The following KNL1 variants were observed in gnomAD, a reference collection of about 807,000 sequenced individuals.
KNL1 encodes kinetochore scaffold 1.
In KNL1, 66 loss-of-function variants were observed where a neutral mutation model predicts 201.3. That is an observed-to-expected ratio of 0.33 (90% CI 0.27 to 0.40). The LOEUF is 0.40. KNL1 is among the 10% of genes least tolerant of loss of function. KNL1 has a pLI of 1.00. For missense variants in KNL1, 2,815 were observed against 2,690.5 expected, an observed-to-expected ratio of 1.05 and a Z score of -1.02; for synonymous variants, 895 against 899.2, an observed-to-expected ratio of 1.00 and a Z score of 0.08.
At position 40,620,874 on chromosome 15, in the gene KNL1, G is replaced by C. The variant is rs764778798; in HGVS notation, c.610G>C (p.Asp204His). 41 of 1,595,846 alleles carry C rather than the reference G, an allele frequency of 2.6e-5. 1 individual carries two copies. Among genetic ancestry groups the C allele is most frequent in the African/African-American group, 1.8e-4 (13 of 73,400 alleles). The change falls in exon 10 of 26, where the codon GAT (aspartate) becomes CAT (histidine). Residue 204 changes from aspartate to histidine, a missense_variant. Asp to His is a moderately conservative substitution (Grantham distance 81, BLOSUM62 -1). Coordinates refer to ENST00000399668, the MANE Select transcript of KNL1 (RefSeq NM_144508.5). ...RMKKEVNFSV[D>H]QNTSSENKID... ...GAAAAAAGAAGTAAATTTTTCCGTGGATCAAAACACTTCTTCAGAAAATAA... is the reference window on the plus strand; with the variant it reads ...GAAAAAAGAAGTAAATTTTTCCGTGCATCAAAACACTTCTTCAGAAAATAA...
At chr15:40,635,011 T>C (rs1893014855) in intron 13 of KNL1, among the ~76,000 whole-genome samples, 1 of 150,880 alleles carries the variant, frequency 6.6e-6, no homozygotes, top group South Asian at 2.1e-4. Flanking sequence ...ATGTGGACCA[T>C]GGAAAATGAG....
At chr15:40,600,371 G>A (rs1332548418) in intron 1 of KNL1, among the ~76,000 whole-genome samples, 1 of 152,180 alleles carries the variant, frequency 6.6e-6, no homozygotes, top group Non-Finnish European at 1.5e-5. Context: ...CACCACGCCC[G>A]GCTATTTGGG....
At position 40,614,004 on chromosome 15, in the gene KNL1, T is replaced by G. The variant is rs544583274; in HGVS notation, c.285-1337T>G. 6.6e-5 allele frequency among the ~76,000 whole-genome samples: 10 copies of G among 151,460 alleles called. No homozygotes were observed. The East Asian group carries it at 1.2e-3, about 18-fold the overall frequency. ...TAGTAGAGACAGGGTTTCACTGTGT[T>G]AGCCAGGATGGTCTCAATTTCCTGA... On this transcript the variant is annotated intron_variant, in intron 7 of 25. Coordinates refer to ENST00000399668, the MANE Select transcript of KNL1 (RefSeq NM_144508.5).
chr15:40,650,237 TTA>T (rs1893512930), intron 17 of KNL1, 62 bp from the exon 18 acceptor site: 1 of 1,031,970 alleles, frequency 9.7e-7, no homozygotes, highest in Non-Finnish European at 1.5e-6. Context: ...CTTTTTTTCC[TTA>T]CTTTGTTTTC....
chr15:40,660,425 G>A (rs146923519), intron 25 of KNL1, among the ~76,000 whole-genome samples: 1,775 of 152,072 alleles, frequency 0.012, 9 homozygotes, highest in Middle Eastern at 0.044. Context: ...CCAGCACTCT[G>A]GGAGGCCGAG....
At chr15:40,636,089 C>T (rs373588447) in intron 13 of KNL1, among the ~76,000 whole-genome samples, 39 of 152,240 alleles carry the variant, frequency 2.6e-4, no homozygotes, top group African/African-American at 8.9e-4. Flanking sequence ...CTGCCTGCCT[C>T]GGCCTCCCAA....
At chr15:40,650,197 G>T in intron 17 of KNL1, 104 bp from the exon 18 acceptor site, 2 of 714,996 alleles carry the variant, frequency 2.8e-6, no homozygotes, top group East Asian at 2.9e-5. Flanking sequence ...ACAATCTGTC[G>T]TTTAATAAAT....
intron 5 of KNL1, 100 bp downstream of exon 5, chr15:40,609,008 A>G (rs1892069267): frequency 1.4e-6 from 1 of 735,018 alleles, no homozygotes; most frequent in African/African-American, 1.8e-5. Context: ...GTTTTGATTA[A>G]ACATTAGTTA....
At position 40,657,124 on chromosome 15, in the gene KNL1, A is replaced by C; in HGVS notation, c.6567A>C (p.Thr2189=). 5.6e-6 allele frequency: 9 copies of C among 1,608,200 alleles called. No homozygotes were observed. Among genetic ancestry groups the C allele is most frequent in the Non-Finnish European group, 7.7e-6 (9 of 1,176,130 alleles). ...AAGAAAAGGAATCCTGGAAGAAGAC[A>C]TGTACAACCCAGCATCAGTTACCCA... ...YVEEKESWKK[T]CTTQHQLPKM... The change falls in exon 23 of 26, where the codon ACA becomes ACC. Residue 2189 remains threonine, a synonymous_variant. Transcript: ENST00000399668.
At chr15:40,616,939 TTTTCATTTTA>T (rs758208748) in intron 8 of KNL1, among the ~76,000 whole-genome samples, 2 of 152,234 alleles carry the variant, frequency 1.3e-5, no homozygotes, top group Non-Finnish European at 2.9e-5. Context: ...ATGCATTTAT[TTTTCATTTTA>T]TTTCATTTTA....
intron 2 of KNL1, among the ~76,000 whole-genome samples, chr15:40,603,747 A>G (rs565054939): frequency 3.6e-4 from 55 of 152,364 alleles, no homozygotes; most frequent in Non-Finnish European, 7.1e-4. Flanking sequence ...AAGCAGCAGC[A>G]CTGGTATAGC....
Position 40,602,981 on chromosome 15 carries a change from T to A in KNL1, c.35+15T>A. On this transcript the variant is annotated intron_variant, in intron 2 of 25. Transcript: ENST00000399668. ...AATGAAGAAAAGTAAGTTCATTTAATGCAGCTAAAAATATTATATTCTATC... is the reference window on the plus strand; with the variant it reads ...AATGAAGAAAAGTAAGTTCATTTAAAGCAGCTAAAAATATTATATTCTATC... 1 of 1,557,720 alleles carries A rather than the reference T, an allele frequency of 6.4e-7. No individual in the cohort carries two copies. The highest frequency in any genetic ancestry group is 8.8e-7 in the Non-Finnish European group (1 of 1,133,862).
chr15:40,633,508 G>A (rs1892973638), intron 13 of KNL1, among the ~76,000 whole-genome samples: 1 of 151,912 alleles, frequency 6.6e-6, no homozygotes, highest in Non-Finnish European at 1.5e-5. Context: ...CAGACCATTA[G>A]GTTGCTGTCT....
chr15:40,631,083 A>G (rs1164729583), intron 13 of KNL1, among the ~76,000 whole-genome samples: 7 of 152,172 alleles, frequency 4.6e-5, no homozygotes, highest in African/African-American at 1.2e-4. Flanking sequence ...GCACCACTGC[A>G]CTCCAGCCTA....
intron 13 of KNL1, among the ~76,000 whole-genome samples, chr15:40,633,444 T>G (rs1892971958): frequency 1.3e-5 from 2 of 152,226 alleles, no homozygotes; most frequent in African/African-American, 4.8e-5. Flanking sequence ...GCCATTCCTG[T>G]TAAAGGGTAG....
chr15:40,623,782 T>C lies in KNL1; in HGVS notation c.3518T>C (p.Phe1173Ser), dbSNP rs1567009453. The change falls in exon 10 of 26, where the codon TTC becomes TCC. Residue 1173 changes from phenylalanine to serine, a missense_variant. Physicochemically the swap from Phe to Ser is radical, Grantham distance 155 (BLOSUM62 -2). This residue lies in a region of KNL1 where 2,464 missense variants were observed against 2,291.7 expected (regional missense o/e 1.08). Transcript: ENST00000399668. ...DLEVTDSHTV[F>S]IDCQATEKIL... ...GAAGTCACCGATTCCCATACTGTTT[T>C]CATTGACTGTCAAGCCACAGAGAAA... The C allele has an allele frequency of 1.9e-6, 3 of 1,613,962 alleles. No individual in the cohort carries two copies. The highest frequency in any genetic ancestry group is 1.3e-5 in the African/African-American group (1 of 75,044).
At chr15:40,661,724 A>G (rs1213003057) in intron 25 of KNL1, among the ~76,000 whole-genome samples, 2 of 152,020 alleles carry the variant, frequency 1.3e-5, no homozygotes, top group Non-Finnish European at 2.9e-5. Flanking sequence ...ACTGAATTAG[A>G]GACAAGTGTA....
At chr15:40,637,830 C>G (rs1364037659) in intron 13 of KNL1, among the ~76,000 whole-genome samples, 4 of 151,788 alleles carry the variant, frequency 2.6e-5, no homozygotes, top group Non-Finnish European at 4.4e-5. Context: ...AGGTTCCATC[C>G]CCAAGATATG....
chr15:40,657,037 C>T lies in KNL1; in HGVS notation c.6485-5C>T, dbSNP rs770502319. The T allele has an allele frequency of 5.0e-5, 73 of 1,464,674 alleles. No individual in the cohort carries two copies. Among genetic ancestry groups the T allele is most frequent in the South Asian group, 3.0e-4 (23 of 77,110 alleles). 90.7% of individuals were successfully genotyped at this position (1,464,674 alleles called of 1,614,324 possible). On this transcript the variant is annotated splice_region_variant and splice_polypyrimidine_tract_variant and intron_variant, in intron 22 of 25. Coordinates refer to ENST00000399668, the MANE Select transcript of KNL1 (RefSeq NM_144508.5). ...CTGCTTTTGCTTTTTTTTTTCCTTC[C>T]CCAGAGGATCAAGCTCCTCCTTCCT...
Sources: gnomAD v4.1 joint callset for allele counts (sites outside exome capture counted in the v4.1 genomes callset) on GRCh38, gnomAD v4.1.1 for gene constraint, gnomAD v4.1.1 regional missense constraint, MANE v1.5 for transcripts, NCBI Gene and HGNC (gene_info 2026-07-23, HGNC 2026-07-21) for gene names.